Variants in AP3M2 observed in about 807,000 individuals in gnomAD.
AP3M2 encodes adaptor related protein complex 3 subunit mu 2.
AP3M2 carries 28 observed loss-of-function variants against 41.6 expected under a neutral mutation model. The ratio of observed to expected loss-of-function variants is 0.67; its 90% confidence interval spans 0.50 to 0.92. The LOEUF is 0.92. AP3M2 is among the 40% of genes least tolerant of loss of function. The pLI is 0.00. For missense variants in AP3M2, 427 were observed against 521.4 expected, an observed-to-expected ratio of 0.82 and a Z score of 1.76; for synonymous variants, 193 against 186.4, an observed-to-expected ratio of 1.04 and a Z score of -0.29.
Position 42,154,852 on chromosome 8 carries a change from T to C in AP3M2, c.165T>C (p.Tyr55=), listed in dbSNP as rs1234185176. ...CGGTTATCCCTACCCCTCACCACTA[T>C]CTCTTAAGTGTTTACCGCCACAAGA... ...VPPVIPTPHH[Y]LLSVYRHKIF... is the part of the protein sequence containing the mutation. Residue 55 remains tyrosine (Y), a synonymous_variant, in exon 2 of 9, where the codon TAT becomes TAC. Transcript: ENST00000396926. 1 of 1,614,066 alleles carries C rather than the reference T, an allele frequency of 6.2e-7. No homozygotes were observed.
At chr8:42,165,834 G>A in intron 6 of AP3M2, 2 of 330,356 alleles carry the variant, frequency 6.1e-6, no homozygotes, top group Non-Finnish European at 1.1e-5. Flanking sequence ...TAAGTTTGCT[G>A]TTATTTTTGT....
At chr8:42,156,819 T>C (rs536321819) in intron 2 of AP3M2, among the ~76,000 whole-genome samples, 1 of 152,232 alleles carries the variant, frequency 6.6e-6, no homozygotes, top group South Asian at 2.1e-4. Context: ...CCATACCTTA[T>C]CATGAACAGC....
chr8:42,166,913 A>T, intron 6 of AP3M2: 1 of 493,650 alleles, frequency 2.0e-6, no homozygotes, highest in South Asian at 2.3e-5. Context: ...TTGTCATAGT[A>T]GTGTACTTTT....
At chr8:42,168,834 C>T (rs956625711) in intron 8 of AP3M2, 127 bp from the exon 9 acceptor site, 16 of 654,166 alleles carry the variant, frequency 2.4e-5, no homozygotes, top group African/African-American at 3.7e-5. Flanking sequence ...ATCTGCTCTG[C>T]ATAAGTGGTT....
intron 4 of AP3M2, among the ~76,000 whole-genome samples, chr8:42,163,172 A>G (rs919777865): frequency 6.6e-6 from 1 of 151,870 alleles, no homozygotes; most frequent in Non-Finnish European, 1.5e-5. Context: ...CTATAGTCCC[A>G]ATTATTGGGA....
chr8:42,158,147 A>G, intron 3 of AP3M2, 35 bp downstream of exon 3: 2 of 1,597,742 alleles, frequency 1.3e-6, no homozygotes, highest in East Asian at 4.5e-5. Flanking sequence ...GATAGTGGCC[A>G]TCCTACAGCC....
intron 2 of AP3M2, 136 bp downstream of exon 2, chr8:42,155,096 C>A: frequency 1.4e-6 from 1 of 723,470 alleles, no homozygotes; most frequent in Non-Finnish European, 2.3e-6. Context: ...CCTCTCCCAT[C>A]TGATAAGATT....
At chr8:42,162,599 G>T (rs78353402) in intron 4 of AP3M2, among the ~76,000 whole-genome samples, 181 bp downstream of exon 4, 2,876 of 152,092 alleles carry the variant, frequency 0.019, 93 homozygotes, top group African/African-American at 0.065. Flanking sequence ...GCAGACCAGG[G>T]TTTATTTCAT....
At chr8:42,166,914 G>A (rs1804653422) in intron 6 of AP3M2, 1 of 496,246 alleles carries the variant, frequency 2.0e-6, no homozygotes, top group Non-Finnish European at 3.6e-6. Flanking sequence ...TGTCATAGTA[G>A]TGTACTTTTT....
In AP3M2 at chr8:42,166,591, C is replaced by CAAAAAAAAAAAAAAAA. The variant is rs56858276; in HGVS notation, c.804-569_804-554dup. Among the ~76,000 whole-genome samples the CAAAAAAAAAAAAAAAA allele has an allele frequency of 3.5e-4, 27 of 77,068 alleles. 1 individual carries two copies. The highest frequency in any genetic ancestry group is 6.4e-4 in the African/African-American group (12 of 18,744). 50.6% of individuals were successfully genotyped at this position (77,068 alleles called of 152,430 possible). A position where few individuals can be genotyped will look rare whatever the true frequency, so the allele number is the denominator to read the frequency against. On this transcript the variant is annotated intron_variant, in intron 6 of 8. Coordinates refer to ENST00000396926, the MANE Select transcript of AP3M2 (RefSeq NM_006803.4). ...GCAACATGGCCAAACCTTGTCTCTA[C>CAAAAAAAAAAAAAAAA]AAAAAAAAAAAAAAAAAAAGTAAAA...
Position 42,167,401 on chromosome 8 carries a change from T to C in AP3M2, c.1011+30T>C, listed in dbSNP as rs747408498. ...GGATGAGCAGGACATCTTGAATTGCTGATGTTAAGCAGAAACCAGTCTGCA... is the reference window on the plus strand; with the variant it reads ...GGATGAGCAGGACATCTTGAATTGCCGATGTTAAGCAGAAACCAGTCTGCA... On this transcript the variant is annotated intron_variant, in intron 7 of 8. Transcript: ENST00000396926. 10 of 1,609,678 alleles carry C rather than the reference T, an allele frequency of 6.2e-6. No individual in the cohort carries two copies. The South Asian group carries it at 9.9e-5, about 16-fold the overall frequency.
Position 42,162,425 on chromosome 8 carries a change from G to A in AP3M2, c.583+7G>A, listed in dbSNP as rs1308515347. ...GCAATTATTGATAAATCAGGTAGGTGCTTTTAATATGTTCTCAGAAATATG... is the reference window on the plus strand; with the variant it reads ...GCAATTATTGATAAATCAGGTAGGTACTTTTAATATGTTCTCAGAAATATG... On this transcript the variant is annotated splice_region_variant and intron_variant, in intron 4 of 8. Coordinates refer to ENST00000396926, the MANE Select transcript of AP3M2 (RefSeq NM_006803.4). 6.3e-7 allele frequency: 1 copy of A among 1,597,964 alleles called. No individual in the cohort carries two copies. The highest frequency in any genetic ancestry group is 8.5e-7 in the Non-Finnish European group (1 of 1,172,484).
At chr8:42,164,173 C>G (rs1804579569) in intron 4 of AP3M2, among the ~76,000 whole-genome samples, 1 of 152,210 alleles carries the variant, frequency 6.6e-6, no homozygotes, top group South Asian at 2.1e-4. Flanking sequence ...AGGAGCTGAT[C>G]ATTGGCTGGA....
intron 7 of AP3M2, 106 bp from the exon 8 acceptor site, chr8:42,167,560 G>C (rs571118411): frequency 6.9e-7 from 1 of 1,442,520 alleles, no homozygotes; most frequent in South Asian, 1.3e-5. Flanking sequence ...AGCTTATAAT[G>C]TTGTGGACAG....
intron 1 of AP3M2, chr8:42,154,106 G>A (rs1804288982): frequency 6.6e-6 from 1 of 151,974 alleles, no homozygotes; most frequent in Admixed American, 6.6e-5. Flanking sequence ...AAGCCTTTCA[G>A]ATTTGTCGTG....
At position 42,165,555 on chromosome 8, in the gene AP3M2, A is replaced by G; in HGVS notation, c.798A>G (p.Ala266=). The change falls in exon 6 of 9, where the codon GCA becomes GCG. Residue 266 remains alanine (A), a synonymous_variant. Transcript: ENST00000396926. ...NFRLLSYHVS[A]QNLVAIPVYV... ...GCCTGCTGTCTTACCATGTCAGTGC[A>G]CAGAAGTAAGCAGCTCTTATAATTA... The G allele has an allele frequency of 6.2e-7, 1 of 1,614,148 alleles. No homozygotes were observed. The highest frequency in any genetic ancestry group is 8.5e-7 in the Non-Finnish European group (1 of 1,180,020).
rs756725521 is a variant in AP3M2 at position 42,169,001 on chromosome 8, C to G, written c.1197C>G (p.Tyr399Ter). ...VNRLDMYGEK[Y>*]KPFKGIKYMT... ...GTCTGGATATGTATGGAGAAAAGTA[C>G]AAACCCTTTAAGGGCATAAAATACA... Residue 399 changes from tyrosine to a stop codon, truncating the protein, a stop_gained, in exon 9 of 9, where the codon TAC (tyrosine) becomes TAG (stop). Coordinates refer to ENST00000396926, the MANE Select transcript of AP3M2 (RefSeq NM_006803.4). LOFTEE classifies it high-confidence loss of function. 1 of 1,610,428 alleles carries G rather than the reference C, an allele frequency of 6.2e-7. No homozygotes were observed. Among genetic ancestry groups the G allele is most frequent in the Non-Finnish European group, 8.5e-7 (1 of 1,178,554 alleles).
rs774980368 is a variant in AP3M2, at chr8:42,158,026, G to T, written c.359G>T (p.Gly120Val). Reference sequence around the variant, plus strand: ...GTATTGGAAGAGATGCTTGACAATGGTTTTCCATTGGCTACCGAGTCGAAC... The same window carrying T: ...GTATTGGAAGAGATGCTTGACAATGTTTTTCCATTGGCTACCGAGTCGAAC... ...YEVLEEMLDN[G>V]FPLATESNIL... Residue 120 changes from glycine to valine, a missense_variant, in exon 3 of 9, where the codon GGT becomes GTT. This residue lies in a region of AP3M2 where 86 missense variants were observed against 142.6 expected (regional missense o/e 0.60). Coordinates refer to ENST00000396926, the MANE Select transcript of AP3M2 (RefSeq NM_006803.4). 3 of 1,614,150 alleles carry T rather than the reference G, an allele frequency of 1.9e-6. No homozygotes were observed. The East Asian group carries it at 6.7e-5, about 36-fold the overall frequency.
intron 3 of AP3M2, among the ~76,000 whole-genome samples, chr8:42,159,213 TA>T (rs1247315309): frequency 1.3e-5 from 2 of 152,254 alleles, no homozygotes; most frequent in African/African-American, 2.4e-5. Flanking sequence ...TTACCATTCT[TA>T]CACTTGAACC....
Sources: gnomAD v4.1 joint callset for allele counts (sites outside exome capture counted in the v4.1 genomes callset) on GRCh38, gnomAD v4.1.1 for gene constraint, gnomAD v4.1.1 regional missense constraint, MANE v1.5 for transcripts, NCBI Gene and HGNC (gene_info 2026-07-23, HGNC 2026-07-21) for gene names.